The following LOXHD1 variants were observed in gnomAD, a reference collection of about 807,000 sequenced individuals.
LOXHD1 encodes lipoxygenase homology domain-containing protein 1.
A neutral mutation model predicts 248.2 loss-of-function variants in LOXHD1; 205 were observed. That is an observed-to-expected ratio of 0.83 (90% confidence interval 0.74 to 0.93). LOXHD1 has a LOEUF of 0.93. Ranked by LOEUF, LOXHD1 falls within the 40% of genes least tolerant of loss-of-function variation. LOXHD1 has a pLI of 0.00. For synonymous variants in LOXHD1, 1,113 were observed against 1,162.8 expected (o/e 0.96, Z 0.87); for missense variants, 2,930 against 2,971.6 (o/e 0.99, Z 0.33).
intron 12 of LOXHD1, 147 bp downstream of exon 12, chr18:46,591,786 A>G: frequency 1.0e-6 from 1 of 961,048 alleles, no homozygotes; most frequent in Non-Finnish European, 1.5e-6. Flanking sequence ...GCCAGTCTTG[A>G]GGCAGGGACC....
chr18:46,644,397 A>G (rs1247637916), intron 2 of LOXHD1, among the ~76,000 whole-genome samples: 1 of 152,238 alleles, frequency 6.6e-6, no homozygotes, highest in Non-Finnish European at 1.5e-5. Flanking sequence ...GGAAAGCTCC[A>G]GAAAGGCCCT....
intron 29 of LOXHD1, among the ~76,000 whole-genome samples, chr18:46,526,804 G>C (rs1435502641): frequency 2.0e-5 from 3 of 152,214 alleles, no homozygotes; most frequent in Admixed American, 2.0e-4. Flanking sequence ...CTGAGATGAG[G>C]CAGGGCTGAG....
At chr18:46,572,847 C>T (rs1306916014) in intron 14 of LOXHD1, among the ~76,000 whole-genome samples, 1 of 151,732 alleles carries the variant, frequency 6.6e-6, no homozygotes, top group Non-Finnish European at 1.5e-5. Flanking sequence ...CACAGTGAAA[C>T]CCCGTCTCTA....
intron 6 of LOXHD1, among the ~76,000 whole-genome samples, chr18:46,609,113 T>C (rs1048979925): frequency 6.6e-6 from 1 of 152,210 alleles, no homozygotes; most frequent in Non-Finnish European, 1.5e-5. Flanking sequence ...AAAGCCTTTA[T>C]CCCCATTTTC....
Position 46,593,659 on chromosome 18 carries a change from C to T in LOXHD1, c.1372G>A (p.Glu458Lys), listed in dbSNP as rs1177798915. Residue 458 changes from glutamate (E) to lysine (K), a missense_variant, in exon 10 of 41, where the codon GAG becomes AAG. By Grantham distance (56) the Glu-to-Lys change is moderately conservative. Transcript: ENST00000642948. ...TTGTTGTTGGGATTCAGGAGAATCT[C>T]ATCTGTCCGCCCCTTCTGCCCATAA... ...QIYGQKGRTD[E>K]ILLNPNNKWF... The T allele has an allele frequency of 1.9e-6, 3 of 1,552,302 alleles. No individual in the cohort carries two copies. The highest frequency in any genetic ancestry group is 3.3e-4 in the Middle Eastern group (2 of 5,998).
At chr18:46,515,735 G>A (rs2035213700) in intron 34 of LOXHD1, among the ~76,000 whole-genome samples, 1 of 152,140 alleles carries the variant, frequency 6.6e-6, no homozygotes, top group African/African-American at 2.4e-5. Flanking sequence ...GACTGAATAT[G>A]CAAACAATAG....
rs8090543 is a variant in LOXHD1 at position 46,636,795 on chromosome 18, C to A, written c.511+2821G>T. Among the ~76,000 whole-genome samples the A allele has an allele frequency of 2.0e-5, 3 of 152,128 alleles. No individual in the cohort carries two copies. The South Asian group carries it at 6.2e-4, about 32-fold the overall frequency. ...AAGTAGCAGCCAAATACCAAGTTGA[C>A]GTAATTTCAGGTGAAAAGCAAAGAA... On this transcript the variant is annotated intron_variant, in intron 4 of 40. Coordinates refer to ENST00000642948, the MANE Select transcript of LOXHD1 (RefSeq NM_001384474.1).
chr18:46,492,434 G>C (rs1199475393), intron 37 of LOXHD1, among the ~76,000 whole-genome samples: 1 of 152,212 alleles, frequency 6.6e-6, no homozygotes, highest in Non-Finnish European at 1.5e-5. Flanking sequence ...GAGAGAGAAT[G>C]ATTGCCAAGT....
At chr18:46,508,795 TC>T (rs144355317) in intron 35 of LOXHD1, among the ~76,000 whole-genome samples, 223 of 152,346 alleles carry the variant, frequency 1.5e-3, no homozygotes, top group African/African-American at 4.9e-3. Context: ...GCCAGGGGTC[TC>T]CAGCTTTGGA....
Position 46,542,978 on chromosome 18 carries a change from G to A in LOXHD1, c.3620-123C>T, listed in dbSNP as rs539483802. On this transcript the variant is annotated intron_variant, in intron 23 of 40. Transcript: ENST00000642948. ...TCTGAACTTCCACCAAATTTAGACT[G>A]TGCAATTATCATCCATTGGCCACCT... is the stretch of plus-strand genomic sequence containing the variant. 4.8e-5 allele frequency: 66 copies of A among 1,362,354 alleles called. No homozygotes were observed. The African/African-American group carries it at 8.9e-4, about 18-fold the overall frequency. The allele number at this position is 1,362,354 out of a possible 1,614,324, so 84.4% of individuals were successfully genotyped here.
At chr18:46,645,881 T>A (rs2039022902) in intron 2 of LOXHD1, among the ~76,000 whole-genome samples, 1 of 151,332 alleles carries the variant, frequency 6.6e-6, no homozygotes, top group Non-Finnish European at 1.5e-5. Flanking sequence ...AGAAAGAGAA[T>A]GTGGGAGAAG....
rs556336182 is a variant in LOXHD1 at position 46,506,716 on chromosome 18, A to G, written c.5693-693T>C. Among the ~76,000 whole-genome samples, 65 of 152,358 alleles carry G rather than the reference A, an allele frequency of 4.3e-4. 2 individuals are homozygous for G. In the South Asian group the frequency reaches 7.5e-3, roughly 17 times the overall value. On this transcript the variant is annotated intron_variant, in intron 36 of 40. Transcript: ENST00000642948. The stretch of plus-strand genomic sequence containing the variant: ...CAAAATTTACTAGCTTTATTGACCT[A>G]TCATTTATGCCTGAGATCCTACTAT...
intron 33 of LOXHD1, among the ~76,000 whole-genome samples, chr18:46,520,006 G>A (rs2035490624): frequency 6.6e-6 from 1 of 152,206 alleles, no homozygotes; most frequent in Non-Finnish European, 1.5e-5. Context: ...GTGTGCATGT[G>A]TGCTGGGCGG....
chr18:46,551,294 G>C (rs767761575), intron 21 of LOXHD1, among the ~76,000 whole-genome samples: 1 of 151,786 alleles, frequency 6.6e-6, no homozygotes, highest in African/African-American at 2.4e-5. Flanking sequence ...TAGTAGATAC[G>C]GGGTTTCACC....
intron 37 of LOXHD1, among the ~76,000 whole-genome samples, chr18:46,493,469 T>A (rs772512830): frequency 1.3e-5 from 2 of 152,248 alleles, no homozygotes; most frequent in Non-Finnish European, 2.9e-5. Context: ...CCTATCCACC[T>A]CTATATTTCA....
intron 4 of LOXHD1, among the ~76,000 whole-genome samples, chr18:46,629,800 AAAAAAAAG>A (rs1471715360): frequency 1.3e-5 from 2 of 151,272 alleles, no homozygotes; most frequent in Non-Finnish European, 2.9e-5. Context: ...ATTAAAAAAA[AAAAAAAAG>A]AAAAAAAGAA....
At chr18:46,591,802 A>C in intron 12 of LOXHD1, 131 bp downstream of exon 12, 1 of 1,177,284 alleles carries the variant, frequency 8.5e-7, no homozygotes, top group Non-Finnish European at 1.2e-6. Flanking sequence ...GGACCTTCCA[A>C]ATCCACTCTG....
At chr18:46,490,337 G>T (rs1004735358) in intron 37 of LOXHD1, among the ~76,000 whole-genome samples, 5 of 152,238 alleles carry the variant, frequency 3.3e-5, no homozygotes, top group Non-Finnish European at 7.3e-5. Context: ...CACATTGGCG[G>T]TCCTGGTATA....
chr18:46,573,634 T>A (rs769353264), intron 14 of LOXHD1, among the ~76,000 whole-genome samples: 3 of 150,530 alleles, frequency 2.0e-5, no homozygotes, highest in Non-Finnish European at 3.0e-5. Context: ...TGGCATGGAG[T>A]TCAGGCATCC....
Sources: allele counts gnomAD v4.1 joint callset (sites outside exome capture counted in the v4.1 genomes callset), GRCh38; gene constraint gnomAD v4.1.1; transcripts MANE v1.5; gene names NCBI Gene and HGNC (gene_info 2026-07-23, HGNC 2026-07-21).